SMYD3: variants seen among roughly 807,000 people sequenced by gnomAD.
SMYD3 encodes histone-lysine N-methyltransferase SMYD3.
SMYD3 carries 36 observed loss-of-function variants against 57.7 expected under a neutral mutation model. That is an observed-to-expected ratio of 0.62 (90% confidence interval 0.48 to 0.82). The LOEUF is 0.82. Among genes scored for constraint, SMYD3 ranks in the 40% least tolerant of loss-of-function variants. The pLI is 0.00. For missense variants in SMYD3, 515 were observed against 538.8 expected, an observed-to-expected ratio of 0.96 and a Z score of 0.44; for synonymous variants, 211 against 195.0, an observed-to-expected ratio of 1.08 and a Z score of -0.68.
chr1:246,496,729 G>A (rs1311725643), intron 1 of SMYD3, among the ~76,000 whole-genome samples: 3 of 152,112 alleles, frequency 2.0e-5, no homozygotes, highest in Non-Finnish European at 1.5e-5. Context: ...TCAAGGCTGA[G>A]GTAGGAGGAT....
intron 5 of SMYD3, among the ~76,000 whole-genome samples, chr1:246,268,091 G>A (rs4654228): frequency 0.19 from 29,345 of 152,114 alleles, 3,246 homozygotes; most frequent in East Asian, 0.37. Context: ...TCTTGAACAG[G>A]AGCTGGGTAA....
intron 5 of SMYD3, among the ~76,000 whole-genome samples, chr1:246,100,161 T>C (rs1284201892): frequency 6.6e-6 from 1 of 152,168 alleles, no homozygotes; most frequent in African/African-American, 2.4e-5. Context: ...TGGTGAGCTA[T>C]GGTTGCGCCA....
At chr1:246,431,627 G>T (rs1162057117) in intron 1 of SMYD3, among the ~76,000 whole-genome samples, 1 of 152,214 alleles carries the variant, frequency 6.6e-6, no homozygotes, top group Admixed American at 6.5e-5. Flanking sequence ...CTACTCGGGG[G>T]AGGCTGAGGC....
chr1:246,067,838 G>T (rs1232953556), intron 5 of SMYD3, among the ~76,000 whole-genome samples: 2 of 152,158 alleles, frequency 1.3e-5, no homozygotes, highest in African/African-American at 4.8e-5. Flanking sequence ...GTGCACCAAG[G>T]CCGGGAGAGG....
chr1:246,239,413 C>G (rs144870876), intron 5 of SMYD3, among the ~76,000 whole-genome samples: 6,538 of 152,242 alleles, frequency 0.043, 479 homozygotes, highest in African/African-American at 0.15. Context: ...CATGTCCCTA[C>G]AAAGGACATG....
intron 10 of SMYD3, among the ~76,000 whole-genome samples, chr1:245,776,278 C>T (rs572660671): frequency 3.9e-5 from 6 of 152,026 alleles, no homozygotes; most frequent in African/African-American, 9.7e-5. Context: ...AGCCAGTTTG[C>T]GGAGAGCAGT....
intron 5 of SMYD3, chr1:246,305,984 T>C (rs1343609527): frequency 2.6e-5 from 4 of 152,214 alleles, no homozygotes. Context: ...ACAGTGGATT[T>C]GCTGAACTCT....
At chr1:246,179,087 ACCTCTAAC>A (rs1299265721) in intron 5 of SMYD3, 1 of 154,592 alleles carries the variant, frequency 6.5e-6, no homozygotes. Flanking sequence ...AAATACTCAA[ACCTCTAAC>A]CCCAACAGGA....
chr1:245,772,092 G>A (rs1159199926), intron 10 of SMYD3, among the ~76,000 whole-genome samples: 1 of 152,086 alleles, frequency 6.6e-6, no homozygotes, highest in South Asian at 2.1e-4. Context: ...AAAAGAACTT[G>A]GGTTCCAGCC....
intron 10 of SMYD3, among the ~76,000 whole-genome samples, chr1:245,798,705 C>T (rs1247708777): frequency 6.6e-6 from 1 of 152,106 alleles, no homozygotes; most frequent in East Asian, 1.9e-4. Context: ...CTGGCTTTTC[C>T]TGTGCCTCCT....
intron 5 of SMYD3, among the ~76,000 whole-genome samples, chr1:246,216,546 C>T (rs942380240): frequency 6.6e-6 from 1 of 152,026 alleles, no homozygotes; most frequent in African/African-American, 2.4e-5. Flanking sequence ...CTAAGACGTG[C>T]TATGGCATTG....
chr1:246,420,702 C>A (rs2067130197), intron 1 of SMYD3, among the ~76,000 whole-genome samples: 1 of 152,118 alleles, frequency 6.6e-6, no homozygotes, highest in Non-Finnish European at 1.5e-5. Context: ...CTAATAAAAA[C>A]CTTTCAAGAT....
chr1:245,930,182 C>T (rs796901605), intron 5 of SMYD3: 26 of 536,692 alleles, frequency 4.8e-5, no homozygotes, highest in African/African-American at 1.8e-4. Flanking sequence ...AAAAAACAGA[C>T]GGAAACCAGC....
At chr1:246,440,974 T>C (rs1403149530) in intron 1 of SMYD3, among the ~76,000 whole-genome samples, 1 of 152,162 alleles carries the variant, frequency 6.6e-6, no homozygotes, top group Admixed American at 6.5e-5. Flanking sequence ...TGAAGGCCAC[T>C]GGGAATTACA....
chr1:246,246,721 T>G (rs2063710169), intron 5 of SMYD3, among the ~76,000 whole-genome samples: 1 of 152,014 alleles, frequency 6.6e-6, no homozygotes, highest in East Asian at 1.9e-4. Flanking sequence ...TTTTAGAATT[T>G]TCATTTTACC....
At chr1:245,817,283 G>C (rs541867323) in intron 10 of SMYD3, among the ~76,000 whole-genome samples, 2 of 136,796 alleles carry the variant, frequency 1.5e-5, no homozygotes, top group African/African-American at 3.2e-5. Flanking sequence ...CCCAGCAGGG[G>C]CACACTGACA....
rs1301395015 is a variant in SMYD3, at chr1:245,900,046, AG to A, written c.813+15483del. Among the ~76,000 whole-genome samples, 5 of 152,252 alleles carry A rather than the reference AG, an allele frequency of 3.3e-5. No homozygotes were observed. In the East Asian group the frequency reaches 9.7e-4, roughly 29 times the overall value. ...TTGAGACTTCTCAACCTCCATAATC[AG>A]GTGAGACAATTCCTTAGAATAAATC... On this transcript the variant is annotated intron_variant, in intron 8 of 11. Transcript: ENST00000490107.
At chr1:245,887,254 A>G (rs759326871) in intron 8 of SMYD3, among the ~76,000 whole-genome samples, 1 of 152,168 alleles carries the variant, frequency 6.6e-6, no homozygotes, top group Non-Finnish European at 1.5e-5. Context: ...CCTCACTGCT[A>G]TACTCCCACC....
At chr1:245,886,083 A>G (rs1449389732) in intron 8 of SMYD3, among the ~76,000 whole-genome samples, 9 of 152,232 alleles carry the variant, frequency 5.9e-5, no homozygotes, top group Admixed American at 5.9e-4. Context: ...GAAGGTATTG[A>G]AAAAATGCCA....
Sources: allele counts gnomAD v4.1 joint callset (sites outside exome capture counted in the v4.1 genomes callset), GRCh38; gene constraint gnomAD v4.1.1; transcripts MANE v1.5; gene names NCBI Gene and HGNC (gene_info 2026-07-23, HGNC 2026-07-21).